Variants in NEDD4L observed in about 807,000 individuals in gnomAD.
NEDD4L encodes the protein E3 ubiquitin-protein ligase NEDD4-like.
A neutral mutation model predicts 148.9 loss-of-function variants in NEDD4L; 54 were observed. The observed-to-expected ratio is 0.36, with a 90% CI of 0.29 to 0.45. The LOEUF is 0.45. NEDD4L is among the 20% of genes least tolerant of loss of function. The probability of loss-of-function intolerance (pLI) is 1.00; values close to 1 mark genes in which losing one functional copy is unlikely to be tolerated. For missense variants in NEDD4L, 856 were observed against 1,233.8 expected (o/e 0.69, Z 4.59); for synonymous variants, 433 against 440.7 (o/e 0.98, Z 0.22).
intron 5 of NEDD4L, among the ~76,000 whole-genome samples, chr18:58,300,240 G>A (rs1298467055): frequency 6.6e-6 from 1 of 152,188 alleles, no homozygotes; most frequent in East Asian, 1.9e-4. Flanking sequence ...AATAGTGCTG[G>A]GCACAGAGTG....
intron 1 of NEDD4L, among the ~76,000 whole-genome samples, chr18:58,100,789 A>G (rs908840801): frequency 2.0e-5 from 3 of 149,306 alleles, no homozygotes; most frequent in South Asian, 4.2e-4. Context: ...AAAAGAAAGA[A>G]TGTTTTTATT....
At position 58,400,843 on chromosome 18, in the gene NEDD4L, T is replaced by C. The variant is rs2050802112; in HGVS notation, c.*4574T>C. The C allele has an allele frequency of 6.6e-6, 1 of 152,248 alleles. No individual in the cohort carries two copies. The highest frequency in any genetic ancestry group is 2.1e-4 in the South Asian group (1 of 4,830). 9.4% of individuals were successfully genotyped at this position (152,248 alleles called of 1,614,324 possible). A position where few individuals can be genotyped will look rare whatever the true frequency, so the allele number is the denominator to read the frequency against. On this transcript the variant is annotated 3_prime_UTR_variant, in exon 31 of 31. Transcript: ENST00000400345. ...TGATTTCACCTAGATTGTCACGGTTTCCTTCATGTTAACTTTGCGTGACTT... is the reference window on the plus strand; with the variant it reads ...TGATTTCACCTAGATTGTCACGGTTCCCTTCATGTTAACTTTGCGTGACTT...
At chr18:58,297,560 G>A (rs759824006) in intron 5 of NEDD4L, among the ~76,000 whole-genome samples, 110 of 152,128 alleles carry the variant, frequency 7.2e-4, no homozygotes, top group Admixed American at 1.8e-3. Context: ...CCAGCAGTGA[G>A]CATCCAAGCC....
intron 1 of NEDD4L, among the ~76,000 whole-genome samples, chr18:58,078,616 A>G (rs544235487): frequency 2.6e-5 from 4 of 152,352 alleles, no homozygotes; most frequent in South Asian, 4.1e-4. Context: ...CATTTCTAGT[A>G]ATGCTCTGAC....
At chr18:58,351,845 T>A (rs2145634753) in intron 18 of NEDD4L, among the ~76,000 whole-genome samples, 1 of 152,296 alleles carries the variant, frequency 6.6e-6, no homozygotes, top group African/African-American at 2.4e-5. Flanking sequence ...AAAGTTAGGG[T>A]TTCCCTGGCT....
At chr18:58,288,012 A>G (rs982795692) in intron 5 of NEDD4L, among the ~76,000 whole-genome samples, 4 of 152,248 alleles carry the variant, frequency 2.6e-5, no homozygotes, top group Non-Finnish European at 5.9e-5. Context: ...TACAGGAAGC[A>G]AGCTTGAAAG....
intron 20 of NEDD4L, 69 bp from the exon 21 acceptor site, chr18:58,365,930 T>C (rs1211730062): frequency 2.7e-6 from 3 of 1,113,120 alleles, no homozygotes; most frequent in Non-Finnish European, 3.8e-6. Flanking sequence ...CCATTTGCTG[T>C]TGTTTTTATT....
intron 1 of NEDD4L, among the ~76,000 whole-genome samples, chr18:58,072,662 T>A (rs2082927905): frequency 1.3e-5 from 2 of 152,210 alleles, no homozygotes; most frequent in African/African-American, 4.8e-5. Context: ...CCTAAGATTA[T>A]GAGTGAGACA....
intron 4 of NEDD4L, among the ~76,000 whole-genome samples, chr18:58,250,734 G>A (rs2047827275): frequency 6.6e-6 from 1 of 152,162 alleles, no homozygotes; most frequent in Admixed American, 6.5e-5. Context: ...ACCCTGGAAA[G>A]GCCACCTGAG....
At chr18:58,138,601 G>T (rs1416279875) in intron 1 of NEDD4L, among the ~76,000 whole-genome samples, 1 of 152,102 alleles carries the variant, frequency 6.6e-6, no homozygotes, top group African/African-American at 2.4e-5. Flanking sequence ...CATAGGCTGG[G>T]TGGCTTAAAC....
intron 9 of NEDD4L, among the ~76,000 whole-genome samples, chr18:58,328,543 G>A (rs1205245639): frequency 6.6e-6 from 1 of 152,150 alleles, no homozygotes; most frequent in Non-Finnish European, 1.5e-5. Flanking sequence ...TGTCCCTTTT[G>A]TAGTCTTTGG....
chr18:58,253,391 A>G (rs763922380), intron 5 of NEDD4L, among the ~76,000 whole-genome samples: 1 of 152,202 alleles, frequency 6.6e-6, no homozygotes, highest in Non-Finnish European at 1.5e-5. Flanking sequence ...TTGGCCTACC[A>G]TCCTAGTATC....
chr18:58,262,442 A>C (rs911742503), intron 5 of NEDD4L, among the ~76,000 whole-genome samples: 3 of 152,166 alleles, frequency 2.0e-5, no homozygotes, highest in Admixed American at 6.5e-5. Flanking sequence ...CAGCCTGAGC[A>C]ACATGGCGAA....
intron 4 of NEDD4L, among the ~76,000 whole-genome samples, chr18:58,249,842 AATATGGCACTG>A (rs1483192837): frequency 1.3e-5 from 2 of 152,250 alleles, no homozygotes; most frequent in African/African-American, 2.4e-5. Context: ...TCAGAGCTGA[AATATGGCACTG>A]ATACTTTCAT....
intron 24 of NEDD4L, among the ~76,000 whole-genome samples, chr18:58,373,780 C>T (rs779346256): frequency 6.6e-6 from 1 of 152,184 alleles, no homozygotes. Context: ...CTGGACTAAT[C>T]CTCAAAGTCA....
At chr18:58,347,214 G>T (rs12959651) in intron 16 of NEDD4L, among the ~76,000 whole-genome samples, 1 of 34,030 alleles carries the variant, frequency 2.9e-5, no homozygotes, top group Non-Finnish European at 5.5e-5. Context: ...GGCCCCCCCC[G>T]CCCCCCCCCC....
At chr18:58,075,041 C>G (rs1425612088) in intron 1 of NEDD4L, among the ~76,000 whole-genome samples, 1 of 152,150 alleles carries the variant, frequency 6.6e-6, no homozygotes, top group Non-Finnish European at 1.5e-5. Flanking sequence ...GCACATATGT[C>G]AGATATCTGT....
At chr18:58,310,869 T>A (rs1601045069) in intron 5 of NEDD4L, among the ~76,000 whole-genome samples, 3 of 152,244 alleles carry the variant, frequency 2.0e-5, no homozygotes. Flanking sequence ...TCTGGCTTAG[T>A]GTTAGAGGCA....
intron 2 of NEDD4L, among the ~76,000 whole-genome samples, chr18:58,208,338 A>G (rs1271895557): frequency 6.6e-6 from 1 of 152,226 alleles, no homozygotes; most frequent in Admixed American, 6.5e-5. Flanking sequence ...AGTTGTTTAC[A>G]TATGAGTCAG....
Sources: gnomAD v4.1 joint callset for allele counts (sites outside exome capture counted in the v4.1 genomes callset) on GRCh38, gnomAD v4.1.1 for gene constraint, MANE v1.5 for transcripts, NCBI Gene and HGNC (gene_info 2026-07-23, HGNC 2026-07-21) for gene names.